KRT80: variants seen among roughly 807,000 people sequenced by gnomAD.
KRT80 encodes keratin, type II cytoskeletal 80.
Under a neutral mutation model 51.5 loss-of-function variants are expected in KRT80, and 36 were observed. That is an observed-to-expected ratio of 0.70 (90% CI 0.54 to 0.92). The LOEUF (loss-of-function observed/expected upper bound fraction) is 0.92, where lower values mean the gene tolerates loss of function less well. Among genes scored for constraint, KRT80 ranks in the 40% least tolerant of loss-of-function variants. The pLI is 0.00. For synonymous variants in KRT80, 235 were observed against 248.3 expected, an observed-to-expected ratio of 0.95 and a Z score of 0.50; for missense variants, 566 against 591.7, an observed-to-expected ratio of 0.96 and a Z score of 0.45.
At position 52,191,822 on chromosome 12, in the gene KRT80, T is replaced by G; in HGVS notation, c.81A>C (p.Gly27=). Residue 27 remains glycine, a synonymous_variant, in exon 1 of 9, where the codon GGA becomes GGC. Transcript: ENST00000394815. ...EVTPVGSPRP[G]TSGWDSCRAP... ...CCCTGCAGCTGTCCCATCCTGAGGT[T>G]CCAGGCCGGGGGCTGCCCACCGGGG... 1.9e-6 allele frequency: 3 copies of G among 1,596,430 alleles called. No homozygotes were observed. Among genetic ancestry groups the G allele is most frequent in the Non-Finnish European group, 2.6e-6 (3 of 1,170,050 alleles).
chr12:52,189,755 C>A (rs891792906), intron 1 of KRT80, among the ~76,000 whole-genome samples: 1 of 152,216 alleles, frequency 6.6e-6, no homozygotes, highest in South Asian at 2.1e-4. Context: ...TGAAGGGCAC[C>A]CCATCTCAAG....
At position 52,185,002 on chromosome 12, in the gene KRT80, G is replaced by A. The variant is rs17126379; in HGVS notation, c.509+377C>T. On this transcript the variant is annotated intron_variant, in intron 2 of 8. Transcript: ENST00000394815. ...AAACCCATCTGTTCTAGCTAGTGACGTAATTTCCCATTGCCAGAGCAACAT... is the reference window on the plus strand; with the variant it reads ...AAACCCATCTGTTCTAGCTAGTGACATAATTTCCCATTGCCAGAGCAACAT... Among the ~76,000 whole-genome samples the A allele has an allele frequency of 8.6e-3, 1,304 of 152,268 alleles. 23 individuals are homozygous for A. Among genetic ancestry groups the A allele is most frequent in the East Asian group, 0.025 (132 of 5,184 alleles).
At chr12:52,181,537 C>T (rs1016964976) in intron 2 of KRT80, among the ~76,000 whole-genome samples, 3 of 152,196 alleles carry the variant, frequency 2.0e-5, no homozygotes, top group African/African-American at 7.2e-5. Context: ...GTTGCATCAC[C>T]CCTCCTCTCT....
rs890884929 is a variant in KRT80 at position 52,171,372 on chromosome 12, C to T, written c.*26G>A. 3.8e-6 allele frequency: 6 copies of T among 1,558,512 alleles called. No homozygotes were observed. Among genetic ancestry groups the T allele is most frequent in the Admixed American group, 3.7e-5 (2 of 53,530 alleles). On this transcript the variant is annotated 3_prime_UTR_variant, in exon 9 of 9. Coordinates refer to ENST00000394815, the MANE Select transcript of KRT80 (RefSeq NM_182507.3). ...AGTCCCTCCTGCTGCAGTGGAGTGC[C>T]CTGGGGTTCCTGGGGTCCAGCCGCC...
In KRT80 at chr12:52,172,554, T is replaced by C. The variant is rs886567487; in HGVS notation, c.958-136A>G. 1.6e-5 allele frequency: 12 copies of C among 757,408 alleles called. 1 individual carries two copies. In the South Asian group the frequency reaches 1.7e-4, roughly 11 times the overall value. The allele number at this position is 757,408 out of a possible 1,614,324, so 46.9% of individuals were successfully genotyped here. A position where few individuals can be genotyped will look rare whatever the true frequency, so the allele number is the denominator to read the frequency against. On this transcript the variant is annotated intron_variant, in intron 6 of 8. Coordinates refer to ENST00000394815, the MANE Select transcript of KRT80 (RefSeq NM_182507.3). ...TGAGCAATGGCATTTCTGGGTGTGG[T>C]AACTGGTTGCCATGCAGCAAGAGGG... is the stretch of plus-strand genomic sequence containing the variant.
intron 4 of KRT80, 96 bp from the exon 5 acceptor site, chr12:52,173,860 G>A (rs1423153280): frequency 4.2e-5 from 53 of 1,247,602 alleles, no homozygotes; most frequent in Middle Eastern, 2.0e-4. Context: ...TGAGCGGAGA[G>A]TGGAGCTGCT....
At chr12:52,173,275 C>T (rs1592356826) in intron 5 of KRT80, 112 bp from the exon 6 acceptor site, 2 of 1,330,788 alleles carry the variant, frequency 1.5e-6, no homozygotes, top group Non-Finnish European at 2.0e-6. Context: ...CTCTGCAGCC[C>T]ACCACGCCAC....
At chr12:52,188,483 C>T (rs1941438034) in intron 1 of KRT80, among the ~76,000 whole-genome samples, 5 of 152,238 alleles carry the variant, frequency 3.3e-5, no homozygotes. Flanking sequence ...GGGAGTGCCT[C>T]TGGGCCACAC....
At chr12:52,172,954 C>A in intron 6 of KRT80, 84 bp downstream of exon 6, 1 of 1,487,476 alleles carries the variant, frequency 6.7e-7, no homozygotes, top group South Asian at 1.3e-5. Context: ...GTCACTCAGT[C>A]ATGTCTTGCC....
intron 4 of KRT80, among the ~76,000 whole-genome samples, chr12:52,177,407 C>A (rs970697846): frequency 2.0e-5 from 3 of 152,090 alleles, no homozygotes; most frequent in Admixed American, 6.6e-5. Context: ...CAGCTAATTT[C>A]CCTGGAGCCA....
rs530835043 is a variant in KRT80, at chr12:52,173,281, G to A, written c.832-118C>T. The A allele has an allele frequency of 1.3e-5, 17 of 1,291,200 alleles. 1 individual carries two copies. Among genetic ancestry groups the A allele is most frequent in the South Asian group, 1.0e-4 (6 of 60,250 alleles). 80.0% of individuals were successfully genotyped at this position (1,291,200 alleles called of 1,614,324 possible). On this transcript the variant is annotated intron_variant, in intron 5 of 8. Transcript: ENST00000394815. ...CATCTCCAACTCTGCAGCCCACCAC[G>A]CCACGCCAGGCTCCCTCAGCTCCCC...
chr12:52,176,937 G>T (rs1941235237), intron 4 of KRT80, among the ~76,000 whole-genome samples: 1 of 152,150 alleles, frequency 6.6e-6, no homozygotes, highest in Admixed American at 6.5e-5. Flanking sequence ...AGTATTTTAG[G>T]ATATGTTAAG....
rs772075135 is a variant in KRT80 at position 52,180,561 on chromosome 12, T to A, written c.618A>T (p.Leu206Phe). The change falls in exon 4 of 9, where the codon TTA becomes TTT. Residue 206 changes from leucine to phenylalanine, a missense_variant. Physicochemically the swap from Leu to Phe is conservative, Grantham distance 22. Transcript: ENST00000394815. ...CLHRTELETKLKSLESFVELM... is the reference protein window; with the variant it reads ...CLHRTELETKFKSLESFVELM... The stretch of plus-strand genomic sequence containing the variant: ...ACTCCACGAAGCTCTCCAGGCTTTT[T>A]AACTTGGTTTCCAGTTCAGTCCGAT... 4.7e-6 allele frequency: 7 copies of A among 1,487,728 alleles called. No homozygotes were observed. The highest frequency in any genetic ancestry group is 5.4e-6 in the Non-Finnish European group (6 of 1,119,412). 92.2% of individuals were successfully genotyped at this position (1,487,728 alleles called of 1,614,324 possible).
Position 52,180,889 on chromosome 12 carries a change from G to A in KRT80, c.570+14C>T. ...CATGAGGAAGGAGCCCCTGGGGCAG[G>A]CTGGGCAGGCTACCTTCTTCAGCTG... On this transcript the variant is annotated intron_variant, in intron 3 of 8. Transcript: ENST00000394815. 3 of 1,598,452 alleles carry A rather than the reference G, an allele frequency of 1.9e-6. No homozygotes were observed. The highest frequency in any genetic ancestry group is 1.7e-6 in the Non-Finnish European group (2 of 1,174,796).
Position 52,171,178 on chromosome 12 carries a change from T to G in KRT80, c.*220A>C. On this transcript the variant is annotated 3_prime_UTR_variant, in exon 9 of 9. Coordinates refer to ENST00000394815, the MANE Select transcript of KRT80 (RefSeq NM_182507.3). ...CCAGAAGGTTGGAAGGATGGGACTG[T>G]GAGATACTGATATGGAGCGGAGTGG... 8 of 479,712 alleles carry G rather than the reference T, an allele frequency of 1.7e-5. No homozygotes were observed. Among genetic ancestry groups the G allele is most frequent in the East Asian group, 7.2e-5 (2 of 27,868 alleles). The allele number at this position is 479,712 out of a possible 1,614,324, so 29.7% of individuals were successfully genotyped here.
chr12:52,171,179 G>A lies in KRT80; in HGVS notation c.*219C>T. On this transcript the variant is annotated 3_prime_UTR_variant, in exon 9 of 9. Coordinates refer to ENST00000394815, the MANE Select transcript of KRT80 (RefSeq NM_182507.3). The stretch of plus-strand genomic sequence containing the variant: ...CAGAAGGTTGGAAGGATGGGACTGT[G>A]AGATACTGATATGGAGCGGAGTGGC... 2.0e-6 allele frequency: 1 copy of A among 488,522 alleles called. No individual in the cohort carries two copies. Among genetic ancestry groups the A allele is most frequent in the Non-Finnish European group, 3.6e-6 (1 of 277,478 alleles). The allele number at this position is 488,522 out of a possible 1,614,324, so 30.3% of individuals were successfully genotyped here.
At chr12:52,174,162 T>A (rs1316094775) in intron 4 of KRT80, among the ~76,000 whole-genome samples, 3 of 152,260 alleles carry the variant, frequency 2.0e-5, no homozygotes. Context: ...TACTGTTTCA[T>A]TATTCCTGTG....
Position 52,187,471 on chromosome 12 carries a change from C to T in KRT80, c.301-1884G>A, listed in dbSNP as rs116412686. ...CCCTCTCTGCACCTTCGTAGGCTCC[C>T]GAACGGTCAGGTGGGGCCAGCCCCT... On this transcript the variant is annotated intron_variant, in intron 1 of 8. Coordinates refer to ENST00000394815, the MANE Select transcript of KRT80 (RefSeq NM_182507.3). 8.0e-3 allele frequency among the ~76,000 whole-genome samples: 1,212 copies of T among 152,322 alleles called. 14 individuals are homozygous for T. The highest frequency in any genetic ancestry group is 0.028 in the African/African-American group (1,170 of 41,568).
intron 1 of KRT80, among the ~76,000 whole-genome samples, chr12:52,188,638 C>T (rs1183323589): frequency 1.3e-5 from 2 of 152,226 alleles, no homozygotes; most frequent in African/African-American, 4.8e-5. Context: ...TTCAGCTCTT[C>T]CAGAGGTCAC....
Sources: gnomAD v4.1 joint callset for allele counts (sites outside exome capture counted in the v4.1 genomes callset) on GRCh38, gnomAD v4.1.1 for gene constraint, MANE v1.5 for transcripts, NCBI Gene and HGNC (gene_info 2026-07-23, HGNC 2026-07-21) for gene names.